PABIR3: variants seen among roughly 807,000 people sequenced by gnomAD.
PABIR3 encodes the protein PABIR family member 3.
Under a neutral mutation model 23.1 loss-of-function variants are expected in PABIR3, and 20 were observed. That is an observed-to-expected ratio of 0.86 (90% confidence interval 0.61 to 1.26). The LOEUF (loss-of-function observed/expected upper bound fraction) is 1.26. Ranked by LOEUF, PABIR3 falls within the 50% of genes most tolerant of loss-of-function variation. PABIR3 has a pLI of 0.00. For synonymous variants in PABIR3, 69 were observed against 68.5 expected (o/e 1.01, Z -0.04); for missense variants, 189 against 195.4 (o/e 0.97, Z 0.20).
In PABIR3 at chrX:134,852,839, A is replaced by G; in HGVS notation, c.629A>G (p.Gln210Arg). The change falls in exon 10 of 11, where the codon CAA (glutamine) becomes CGA (arginine). Residue 210 changes from glutamine to arginine, a missense_variant. Coordinates refer to ENST00000645433, the MANE Select transcript of PABIR3 (RefSeq NM_001388447.1). ...CAATATCAACCAAAAAAGATTTTCC[A>G]AGGCACAACCAACATGCTTTCTTCT... ...AFQYQPKKIF[Q>R]GTTNMLSSDT... 8.8e-7 allele frequency: 1 copy of G among 1,141,043 alleles called. No homozygotes were observed. Among genetic ancestry groups the G allele is most frequent in the East Asian group, 3.4e-5 (1 of 29,738 alleles). 94.0% of individuals were successfully genotyped at this position (1,141,043 alleles called of 1,213,427 possible). A position where few individuals can be genotyped will look rare whatever the true frequency, so the allele number is the denominator to read the frequency against.
chrX:134,811,317 T>C (rs750721663), intron 2 of PABIR3: 25 of 203,947 alleles, frequency 1.2e-4, no homozygotes, highest in Non-Finnish European at 1.7e-4. Flanking sequence ...ACTCAGAGAT[T>C]AGGTTCTTGT....
chrX:134,807,824 TG>T, intron 2 of PABIR3, 116 bp downstream of exon 2: 2 of 779,204 alleles, frequency 2.6e-6, no homozygotes, highest in East Asian at 7.3e-5. Flanking sequence ...GTAACTCCCT[TG>T]TTCCTGGTGT....
rs771374040 is a variant in PABIR3 at position 134,807,344 on chromosome X, G to T, written c.-60+3G>T. 4.2e-6 allele frequency: 4 copies of T among 954,922 alleles called. No homozygotes were observed. The highest frequency in any genetic ancestry group is 5.4e-5 in the Admixed American group (1 of 18,647). 78.7% of individuals were successfully genotyped at this position (954,922 alleles called of 1,213,427 possible). ...CCAGTTACATTATAGACTTGGAGGTGGGGGATCTTCTCATCGTTAGAGGCC... is the reference window on the plus strand; with the variant it reads ...CCAGTTACATTATAGACTTGGAGGTTGGGGATCTTCTCATCGTTAGAGGCC... On this transcript the variant is annotated splice_donor_region_variant and intron_variant, in intron 1 of 10. Transcript: ENST00000645433.
chrX:134,815,750 G>A (rs1276195360), intron 3 of PABIR3, among the ~76,000 whole-genome samples: 1 of 108,862 alleles, frequency 9.2e-6, no homozygotes, highest in Non-Finnish European at 1.9e-5. Context: ...CATGATCTCG[G>A]CTCACTGCAA....
chrX:134,797,127 T>C (rs951541333), intron 1 of PABIR3: 12 of 113,761 alleles, frequency 1.1e-4, no homozygotes, highest in African/African-American at 3.8e-4. Flanking sequence ...CAACCTGCAG[T>C]CTCTTCCGCC....
chrX:134,858,894 T>C (rs1165310860), downstream of PABIR3, among the ~76,000 whole-genome samples: 1 of 111,821 alleles, frequency 8.9e-6, no homozygotes, highest in African/African-American at 3.2e-5. Context: ...TTGATGACCA[T>C]GGTCTCTCAG....
intron 4 of PABIR3, among the ~76,000 whole-genome samples, chrX:134,840,041 G>A (rs746029637): frequency 3.6e-5 from 4 of 112,411 alleles, no homozygotes; most frequent in African/African-American, 9.7e-5. Context: ...TTGGGATCCT[G>A]TAGATCTGTG....
chrX:134,827,863 T>G (rs2081570808), intron 3 of PABIR3, among the ~76,000 whole-genome samples: 1 of 109,497 alleles, frequency 9.1e-6, no homozygotes, highest in African/African-American at 3.3e-5. Context: ...TTCTCTGTCC[T>G]TTGAACTCTG....
At chrX:134,862,299 G>A in the PABIR3 span, among the ~76,000 whole-genome samples, 13 of 108,440 alleles carry the variant, frequency 1.2e-4, no homozygotes, top group African/African-American at 4.0e-4. Flanking sequence ...ACAAGCACCC[G>A]CCACCAAACC....
Position 134,814,822 on chromosome X carries a change from A to G in PABIR3, c.162A>G (p.Arg54=). 4 of 1,201,794 alleles carry G rather than the reference A, an allele frequency of 3.3e-6. No homozygotes were observed. The highest frequency in any genetic ancestry group is 4.5e-6 in the Non-Finnish European group (4 of 890,390). The change falls in exon 3 of 11, where the codon AGA becomes AGG. Residue 54 remains arginine (R), a synonymous_variant. Coordinates refer to ENST00000645433, the MANE Select transcript of PABIR3 (RefSeq NM_001388447.1). ...ACATGTTAAGAATTAGGACAAACAGAACAACATTTAGGAATCGACGCTCTC... is the reference window on the plus strand; with the variant it reads ...ACATGTTAAGAATTAGGACAAACAGGACAACATTTAGGAATCGACGCTCTC... ...QADMLRIRTN[R]TTFRNRRSLL...
intron 1 of PABIR3, chrX:134,799,904 G>T (rs1270914785): frequency 9.1e-6 from 1 of 110,150 alleles, no homozygotes; most frequent in Non-Finnish European, 1.9e-5. Flanking sequence ...GGAGGCGGAG[G>T]TTGCAGTGAG....
At chrX:134,853,615 C>CTT (rs368624003) in intron 10 of PABIR3, among the ~76,000 whole-genome samples, 6 of 100,589 alleles carry the variant, frequency 6.0e-5, no homozygotes, top group African/African-American at 1.8e-4. Flanking sequence ...AGATTTCTTT[C>CTT]TTTTTTTTTT....
At chrX:134,847,327 T>G in intron 6 of PABIR3, 56 bp from the exon 7 acceptor site, 1 of 914,205 alleles carries the variant, frequency 1.1e-6, no homozygotes. Context: ...GTATCTCAAG[T>G]ATTTGATTAA....
intron 3 of PABIR3, among the ~76,000 whole-genome samples, chrX:134,818,639 C>T (rs781545289): frequency 2.7e-5 from 3 of 111,406 alleles, no homozygotes; most frequent in Non-Finnish European, 5.6e-5. Flanking sequence ...TAACTGAGAG[C>T]CAAGGACCTA....
At chrX:134,844,819 A>G (rs2082379422) in intron 4 of PABIR3, among the ~76,000 whole-genome samples, 2 of 112,340 alleles carry the variant, frequency 1.8e-5, no homozygotes, top group Non-Finnish European at 3.8e-5. Flanking sequence ...AGTAATTTTT[A>G]TTAATATCAT....
intron 4 of PABIR3, chrX:134,832,918 T>C (rs2081857310): frequency 1.8e-5 from 2 of 111,768 alleles, no homozygotes; most frequent in Admixed American, 1.9e-4. Context: ...CTGGATCATA[T>C]GGTAACTCTA....
intron 4 of PABIR3, among the ~76,000 whole-genome samples, chrX:134,837,638 TTAA>T (rs2082014452): frequency 8.9e-6 from 1 of 112,303 alleles, no homozygotes; most frequent in African/African-American, 3.2e-5. Flanking sequence ...TATACTTATT[TTAA>T]TAATCTTATT....
At chrX:134,822,316 A>C (rs1805461327) in intron 3 of PABIR3, 1 of 749,998 alleles carries the variant, frequency 1.3e-6, no homozygotes. Flanking sequence ...CGCCACTTGT[A>C]GTACTTAATT....
At chrX:134,832,107 G>A (rs1471293639) in intron 4 of PABIR3, among the ~76,000 whole-genome samples, 3 of 109,813 alleles carry the variant, frequency 2.7e-5, no homozygotes, top group Non-Finnish European at 3.8e-5. Context: ...GTGAAACCCC[G>A]TCTCTACCAA....
Sources: allele counts gnomAD v4.1 joint callset (sites outside exome capture counted in the v4.1 genomes callset), GRCh38; gene constraint gnomAD v4.1.1; transcripts MANE v1.5; gene names NCBI Gene and HGNC (gene_info 2026-07-23, HGNC 2026-07-21).